Variants in SCFD2 observed in about 807,000 individuals in gnomAD.
SCFD2 encodes the protein sec1 family domain-containing protein 2.
SCFD2 carries 54 observed loss-of-function variants against 58.9 expected under a neutral mutation model. The ratio of observed to expected loss-of-function variants is 0.92; its 90% CI spans 0.74 to 1.15. The LOEUF is 1.15. Ranked by LOEUF, SCFD2 falls within the 50% of genes most tolerant of loss-of-function variation. The probability of loss-of-function intolerance (pLI) is 0.00; values close to 1 mark genes in which losing one functional copy is unlikely to be tolerated. For synonymous variants in SCFD2, 321 were observed against 335.9 expected (o/e 0.96, Z 0.49); for missense variants, 805 against 836.6 (o/e 0.96, Z 0.47).
intron 5 of SCFD2, among the ~76,000 whole-genome samples, chr4:52,961,966 C>A (rs991898946): frequency 1.3e-5 from 2 of 152,188 alleles, no homozygotes; most frequent in African/African-American, 2.4e-5. Flanking sequence ...TGTGAAAGAA[C>A]TGACCCCACG....
At chr4:53,301,085 G>A (rs1338808638) in intron 3 of SCFD2, among the ~76,000 whole-genome samples, 1 of 152,076 alleles carries the variant, frequency 6.6e-6, no homozygotes, top group Non-Finnish European at 1.5e-5. Flanking sequence ...CAGAAGGCAA[G>A]AAATAACTAA....
chr4:53,290,314 G>T (rs536333904), intron 3 of SCFD2, among the ~76,000 whole-genome samples: 55 of 152,092 alleles, frequency 3.6e-4, no homozygotes, highest in Admixed American at 2.6e-3. Context: ...TCAGTAATAG[G>T]AGAAATATTG....
chr4:52,907,708 A>ATG (rs10557430), intron 6 of SCFD2, 117 bp from the exon 7 acceptor site: 32,375 of 683,240 alleles, frequency 0.047, 348 homozygotes, highest in African/African-American at 0.063. Flanking sequence ...CAATGCCTAT[A>ATG]TGTGTGTGTG....
At chr4:53,250,735 A>G (rs1182829922) in intron 4 of SCFD2, among the ~76,000 whole-genome samples, 1 of 152,244 alleles carries the variant, frequency 6.6e-6, no homozygotes, top group Non-Finnish European at 1.5e-5. Context: ...TCTGGGACAC[A>G]TTCAAAGCAG....
intron 6 of SCFD2, among the ~76,000 whole-genome samples, chr4:52,916,287 C>T (rs1045458598): frequency 3.9e-5 from 6 of 152,180 alleles, no homozygotes; most frequent in African/African-American, 4.8e-5. Context: ...AGACTTTCTG[C>T]GGCCGGGCGC....
At chr4:53,332,488 G>GA (rs1438044764) in intron 2 of SCFD2, among the ~76,000 whole-genome samples, 3 of 151,982 alleles carry the variant, frequency 2.0e-5, no homozygotes, top group Non-Finnish European at 4.4e-5. Flanking sequence ...CAGAACCAAA[G>GA]AAAAAAACCA....
intron 4 of SCFD2, among the ~76,000 whole-genome samples, chr4:53,183,809 C>T (rs1245120716): frequency 1.3e-5 from 2 of 152,074 alleles, no homozygotes; most frequent in South Asian, 2.1e-4. Flanking sequence ...TAAAGAAACA[C>T]CTTTTAGAAC....
chr4:52,997,480 G>A (rs1234106606), intron 5 of SCFD2, among the ~76,000 whole-genome samples: 1 of 152,232 alleles, frequency 6.6e-6, no homozygotes, highest in East Asian at 1.9e-4. Context: ...CCTCCTACTT[G>A]TGGGGGGCCC....
intron 5 of SCFD2, among the ~76,000 whole-genome samples, chr4:53,022,596 G>C (rs1722375694): frequency 6.6e-6 from 1 of 152,154 alleles, no homozygotes; most frequent in South Asian, 2.1e-4. Context: ...AGAGTTGGGA[G>C]AACTGGTTTT....
intron 3 of SCFD2, among the ~76,000 whole-genome samples, chr4:53,313,221 C>G (rs113144975): frequency 3.0e-4 from 45 of 152,256 alleles, no homozygotes; most frequent in African/African-American, 9.2e-4. Flanking sequence ...CTGCTCAATT[C>G]TTTTCTCAGT....
intron 3 of SCFD2, among the ~76,000 whole-genome samples, chr4:53,303,878 C>T (rs1732421998): frequency 6.8e-6 from 1 of 146,336 alleles, no homozygotes; most frequent in Admixed American, 7.1e-5. Context: ...CGCATGTTCT[C>T]ACTCATAGGT....
At chr4:53,357,878 C>T (rs1203262079) in intron 1 of SCFD2, among the ~76,000 whole-genome samples, 4 of 152,200 alleles carry the variant, frequency 2.6e-5, no homozygotes, top group East Asian at 1.9e-4. Context: ...CCCACACCCA[C>T]ATATGAGAGT....
Position 52,953,748 on chromosome 4 carries a change from T to A in SCFD2, c.1562-32878A>T, listed in dbSNP as rs114375792. Among the ~76,000 whole-genome samples the A allele has an allele frequency of 7.0e-3, 1,058 of 152,220 alleles. 10 individuals are homozygous for A. The highest frequency in any genetic ancestry group is 0.024 in the African/African-American group (1,009 of 41,532). ...ATTACCAAGGGACTTACATTAGAGT[T>A]TATCCAGAAAAACTACTTCATCCAA... On this transcript the variant is annotated intron_variant, in intron 5 of 8. Coordinates refer to ENST00000401642, the MANE Select transcript of SCFD2 (RefSeq NM_152540.4).
chr4:53,157,092 C>A (rs1278552948), intron 4 of SCFD2, among the ~76,000 whole-genome samples: 1 of 152,150 alleles, frequency 6.6e-6, no homozygotes, highest in Non-Finnish European at 1.5e-5. Context: ...ATGCCATTGC[C>A]AGATGATCTA....
chr4:53,087,482 C>T (rs183486094), intron 5 of SCFD2, among the ~76,000 whole-genome samples: 178 of 152,060 alleles, frequency 1.2e-3, no homozygotes, highest in African/African-American at 4.0e-3. Context: ...TACAGGCATC[C>T]GCCACCACAC....
intron 3 of SCFD2, among the ~76,000 whole-genome samples, chr4:53,285,972 G>T (rs1460003809): frequency 2.0e-5 from 3 of 152,128 alleles, no homozygotes; most frequent in African/African-American, 7.2e-5. Flanking sequence ...AAGCTGCTTT[G>T]CACAGCACCA....
At chr4:53,294,144 T>G (rs1467437684) in intron 3 of SCFD2, among the ~76,000 whole-genome samples, 1 of 152,208 alleles carries the variant, frequency 6.6e-6, no homozygotes, top group Non-Finnish European at 1.5e-5. Context: ...TTTATAATCC[T>G]TGGGGTATAT....
intron 5 of SCFD2, among the ~76,000 whole-genome samples, chr4:52,945,496 T>C (rs925194459): frequency 2.6e-5 from 4 of 152,176 alleles, no homozygotes; most frequent in African/African-American, 4.8e-5. Context: ...TGGCAATGAG[T>C]ATGAGGATGT....
intron 5 of SCFD2, among the ~76,000 whole-genome samples, chr4:53,069,258 C>T (rs749628744): frequency 1.3e-5 from 2 of 152,086 alleles, no homozygotes; most frequent in Non-Finnish European, 2.9e-5. Context: ...GCTAATCTCA[C>T]ACCTTGGGAT....
Sources: allele counts gnomAD v4.1 joint callset (sites outside exome capture counted in the v4.1 genomes callset), GRCh38; gene constraint gnomAD v4.1.1; transcripts MANE v1.5; gene names NCBI Gene and HGNC (gene_info 2026-07-23, HGNC 2026-07-21).